Variants in FMN1 observed in about 807,000 individuals in gnomAD.
FMN1 encodes formin-1.
A neutral mutation model predicts 132.4 loss-of-function variants in FMN1; 110 were observed. The ratio of observed to expected loss-of-function variants is 0.83; its 90% CI spans 0.71 to 0.97. The LOEUF is 0.97. FMN1 is among the 50% of genes least tolerant of loss of function. FMN1 has a pLI of 0.00. For missense variants in FMN1, 1,792 were observed against 1,705.3 expected (o/e 1.05, Z -0.90); for synonymous variants, 722 against 651.7 (o/e 1.11, Z -1.64).
At chr15:33,102,509 C>T (rs186165307) in intron 4 of FMN1, among the ~76,000 whole-genome samples, 1 of 149,930 alleles carries the variant, frequency 6.7e-6, no homozygotes, top group African/African-American at 2.4e-5. Context: ...TTCTTCTCTC[C>T]ATCCTTCCTC....
chr15:32,943,395 T>C (rs1288345721), intron 9 of FMN1, among the ~76,000 whole-genome samples: 1 of 152,218 alleles, frequency 6.6e-6, no homozygotes, highest in East Asian at 1.9e-4. Context: ...TTCACATCAA[T>C]ACTCGCTGAA....
intron 16 of FMN1, among the ~76,000 whole-genome samples, chr15:32,878,362 C>CA (rs1361465798): frequency 6.6e-6 from 1 of 152,154 alleles, no homozygotes; most frequent in East Asian, 1.9e-4. Context: ...GATGAAATAA[C>CA]AGAGTGCTGT....
At chr15:32,974,468 C>T (rs2032040102) in intron 7 of FMN1, among the ~76,000 whole-genome samples, 2 of 152,184 alleles carry the variant, frequency 1.3e-5, no homozygotes. Context: ...GAGGACAATG[C>T]CAATTAAACC....
intron 15 of FMN1, among the ~76,000 whole-genome samples, chr15:32,898,014 T>C (rs573927573): frequency 2.6e-5 from 4 of 152,266 alleles, no homozygotes; most frequent in South Asian, 2.1e-4. Flanking sequence ...GCTGTAGGTA[T>C]ATTGAAAATA....
At chr15:32,779,163 G>A (rs2056582792) in intron 19 of FMN1, among the ~76,000 whole-genome samples, 1 of 152,148 alleles carries the variant, frequency 6.6e-6, no homozygotes, top group African/African-American at 2.4e-5. Context: ...GGGGAAAATG[G>A]GGAGTTATTG....
At chr15:32,783,149 TAAAAAC>T (rs2056724571) in intron 19 of FMN1, among the ~76,000 whole-genome samples, 1 of 149,248 alleles carries the variant, frequency 6.7e-6, no homozygotes, top group Non-Finnish European at 1.5e-5. Context: ...CCTGAATTGA[TAAAAAC>T]AAAAAAAAAT....
chr15:32,958,933 T>C (rs34727228), intron 9 of FMN1, among the ~76,000 whole-genome samples: 26 of 151,512 alleles, frequency 1.7e-4, no homozygotes, highest in Non-Finnish European at 3.2e-4. Context: ...TCGTAGCTAC[T>C]TGGGAGGCTG....
At chr15:32,829,481 A>C (rs1244931222) in intron 17 of FMN1, among the ~76,000 whole-genome samples, 1 of 152,188 alleles carries the variant, frequency 6.6e-6, no homozygotes, top group Non-Finnish European at 1.5e-5. Flanking sequence ...ACTTACATTA[A>C]AATTAATATT....
At chr15:32,996,193 A>G (rs932659158) in intron 7 of FMN1, among the ~76,000 whole-genome samples, 1 of 152,200 alleles carries the variant, frequency 6.6e-6, no homozygotes, top group Non-Finnish European at 1.5e-5. Flanking sequence ...CAACATTGTC[A>G]CACCCACTTT....
chr15:32,894,005 T>G (rs2060093763), intron 15 of FMN1, among the ~76,000 whole-genome samples: 1 of 152,236 alleles, frequency 6.6e-6, no homozygotes, highest in Non-Finnish European at 1.5e-5. Flanking sequence ...CTAGGGTATG[T>G]GCTTATGTGC....
chr15:33,051,511 G>C (rs1407893565), intron 6 of FMN1, among the ~76,000 whole-genome samples: 1 of 130,280 alleles, frequency 7.7e-6, no homozygotes, highest in Non-Finnish European at 1.7e-5. Context: ...CTAATAATTG[G>C]TCACACCTGG....
chr15:33,123,340 A>G (rs575364031), intron 4 of FMN1, among the ~76,000 whole-genome samples: 15 of 152,130 alleles, frequency 9.9e-5, no homozygotes, highest in African/African-American at 3.6e-4. Context: ...CATCTACTGA[A>G]TTAGGTAAAT....
intron 3 of FMN1, among the ~76,000 whole-genome samples, chr15:33,168,471 T>C (rs556279544): frequency 6.6e-6 from 1 of 152,218 alleles, no homozygotes; most frequent in South Asian, 2.1e-4. Flanking sequence ...CCTGAAAGTA[T>C]GTTAGTGCTC....
At chr15:32,959,043 C>CAAAAA (rs36081835) in intron 9 of FMN1, among the ~76,000 whole-genome samples, 1 of 84,334 alleles carries the variant, frequency 1.2e-5, no homozygotes. Flanking sequence ...AACACTGTCT[C>CAAAAA]AAAAAAAAAA....
At chr15:32,848,996 T>C (rs1319253421) in intron 17 of FMN1, among the ~76,000 whole-genome samples, 1 of 142,846 alleles carries the variant, frequency 7.0e-6, no homozygotes. Flanking sequence ...TTTTTTTTTT[T>C]TTTCAGAGAC....
intron 19 of FMN1, among the ~76,000 whole-genome samples, chr15:32,791,256 T>TAAAAAAA (rs34636398): frequency 7.1e-6 from 1 of 141,662 alleles, no homozygotes; most frequent in Non-Finnish European, 1.5e-5. Flanking sequence ...AGCTTTAGTG[T>TAAAAAAA]AAAAAAAAAA....
intron 17 of FMN1, among the ~76,000 whole-genome samples, chr15:32,844,824 T>C (rs2058821540): frequency 6.6e-6 from 1 of 152,232 alleles, no homozygotes; most frequent in Non-Finnish European, 1.5e-5. Context: ...AAGCATCTGA[T>C]AAGATTTGAC....
At chr15:33,128,688 A>T (rs1328503947) in intron 4 of FMN1, among the ~76,000 whole-genome samples, 1 of 152,220 alleles carries the variant, frequency 6.6e-6, no homozygotes, top group African/African-American at 2.4e-5. Flanking sequence ...CACTGACTTC[A>T]CGAATAAACC....
At chr15:33,163,295 TTTC>T (rs1964966959) in intron 3 of FMN1, among the ~76,000 whole-genome samples, 1 of 128,380 alleles carries the variant, frequency 7.8e-6, no homozygotes, top group African/African-American at 2.5e-5. Context: ...TGTCTTGTCT[TTTC>T]TTTTTTTTTT....
Sources: allele counts gnomAD v4.1 joint callset (sites outside exome capture counted in the v4.1 genomes callset), GRCh38; gene constraint gnomAD v4.1.1; transcripts MANE v1.5; gene names NCBI Gene and HGNC (gene_info 2026-07-23, HGNC 2026-07-21).